The following SETBP1 variants were observed in gnomAD, a reference collection of about 807,000 sequenced individuals.
SETBP1 encodes SET binding protein 1.
Under a neutral mutation model 101.0 loss-of-function variants are expected in SETBP1, and 9 were observed. The ratio of observed to expected loss-of-function variants is 0.09; its 90% CI spans 0.05 to 0.16. The LOEUF (loss-of-function observed/expected upper bound fraction) is 0.16, where lower values mean the gene tolerates loss of function less well. SETBP1 is among the 10% of genes least tolerant of loss of function. SETBP1 has a pLI of 1.00. For synonymous variants in SETBP1, 818 were observed against 788.5 expected (o/e 1.04, Z -0.63); for missense variants, 1,858 against 2,033.8 (o/e 0.91, Z 1.66).
At chr18:44,988,062 A>C (rs1041453237) in intron 4 of SETBP1, 7 of 152,202 alleles carry the variant, frequency 4.6e-5, no homozygotes, top group African/African-American at 1.7e-4. Flanking sequence ...TAGTTCTTTT[A>C]GAATCTGCTG....
At position 45,009,463 on chromosome 18, in the gene SETBP1, A is replaced by G. The variant is rs192686085; in HGVS notation, c.4001-29022A>G. Among the ~76,000 whole-genome samples, 44 of 151,832 alleles carry G rather than the reference A, an allele frequency of 2.9e-4. No individual in the cohort carries two copies. The East Asian group carries it at 8.6e-3, about 30-fold the overall frequency. On this transcript the variant is annotated intron_variant, in intron 4 of 5. Transcript: ENST00000649279. ...GCAGTAGCAGTGGCTTTAAGAGGGT[A>G]TGGAAGATTGTAACATGCTTGTTGT...
intron 4 of SETBP1, among the ~76,000 whole-genome samples, chr18:44,983,431 A>C (rs1383412747): frequency 6.6e-6 from 1 of 152,126 alleles, no homozygotes; most frequent in Non-Finnish European, 1.5e-5. Flanking sequence ...CCATTATACA[A>C]ATCAGGGACA....
intron 3 of SETBP1, chr18:44,871,175 G>T (rs564785961): frequency 6.6e-6 from 1 of 152,262 alleles, no homozygotes; most frequent in African/African-American, 2.4e-5. Context: ...GAAACTGGTG[G>T]CCAGGGTGTA....
At chr18:45,027,543 G>C (rs2073192924) in intron 4 of SETBP1, among the ~76,000 whole-genome samples, 2 of 152,264 alleles carry the variant, frequency 1.3e-5, no homozygotes, top group African/African-American at 4.8e-5. Flanking sequence ...TATAGGAAAA[G>C]AATATAAAGT....
chr18:44,813,705 G>GA (rs1310029276), intron 2 of SETBP1, among the ~76,000 whole-genome samples: 1 of 152,216 alleles, frequency 6.6e-6, no homozygotes, highest in Non-Finnish European at 1.5e-5. Context: ...TTGTATTCAG[G>GA]AATTAATTTA....
chr18:44,845,389 A>C (rs1040146125), intron 2 of SETBP1, among the ~76,000 whole-genome samples: 3 of 152,206 alleles, frequency 2.0e-5, no homozygotes, highest in Admixed American at 1.3e-4. Context: ...ACTTTCCAGG[A>C]AACAGGAGGC....
intron 4 of SETBP1, among the ~76,000 whole-genome samples, chr18:44,971,344 A>G (rs1374107574): frequency 6.6e-6 from 1 of 152,182 alleles, no homozygotes; most frequent in African/African-American, 2.4e-5. Context: ...ATATGTGTGC[A>G]TGTGTCTTTA....
intron 3 of SETBP1, among the ~76,000 whole-genome samples, chr18:44,872,384 A>G (rs2069296814): frequency 6.6e-6 from 1 of 152,192 alleles, no homozygotes; most frequent in Non-Finnish European, 1.5e-5. Flanking sequence ...ACATAGACAC[A>G]CACATCTGTT....
chr18:45,029,060 G>A (rs1910032521), intron 4 of SETBP1, among the ~76,000 whole-genome samples: 1 of 152,100 alleles, frequency 6.6e-6, no homozygotes, highest in South Asian at 2.1e-4. Flanking sequence ...CATTGTTTTT[G>A]GTGTTTTAGA....
At chr18:44,845,799 C>T (rs966898865) in intron 2 of SETBP1, among the ~76,000 whole-genome samples, 1 of 152,218 alleles carries the variant, frequency 6.6e-6, no homozygotes, top group African/African-American at 2.4e-5. Flanking sequence ...ACCTACCCTG[C>T]ACTCAAGAGG....
At chr18:45,059,002 G>A (rs1026592584) in intron 5 of SETBP1, among the ~76,000 whole-genome samples, 3 of 152,038 alleles carry the variant, frequency 2.0e-5, no homozygotes, top group East Asian at 1.9e-4. Context: ...GCCCCAAGAG[G>A]GTGAAAATTA....
intron 3 of SETBP1, among the ~76,000 whole-genome samples, chr18:44,898,622 C>G (rs988425027): frequency 6.6e-6 from 1 of 152,114 alleles, no homozygotes. Context: ...CTCCCTTCTC[C>G]CAGTCTTCAT....
At chr18:44,709,568 T>C (rs186690251) in intron 2 of SETBP1, among the ~76,000 whole-genome samples, 120 of 152,310 alleles carry the variant, frequency 7.9e-4, no homozygotes, top group African/African-American at 2.6e-3. Flanking sequence ...AAGTTGTCCG[T>C]TGGACACTTA....
At chr18:44,869,374 A>G (rs1024622822) in intron 3 of SETBP1, 91 bp downstream of exon 3, 37 of 1,197,788 alleles carry the variant, frequency 3.1e-5, no homozygotes, top group Non-Finnish European at 4.6e-5. Context: ...CAGGACAGAA[A>G]CCCGAACCTT....
At chr18:45,043,788 C>A (rs576953109) in intron 5 of SETBP1, among the ~76,000 whole-genome samples, 152 of 152,152 alleles carry the variant, frequency 1.0e-3, no homozygotes, top group Non-Finnish European at 1.7e-3. Flanking sequence ...AAACCTTAAG[C>A]TTGAAAAATT....
At chr18:44,928,952 A>AT (rs1374626317) in intron 3 of SETBP1, among the ~76,000 whole-genome samples, 2 of 151,950 alleles carry the variant, frequency 1.3e-5, no homozygotes, top group Admixed American at 1.3e-4. Context: ...CCATTTGTCA[A>AT]TTTTGGCTTT....
chr18:44,937,954 CT>C (rs2071000856), intron 3 of SETBP1, among the ~76,000 whole-genome samples: 1 of 152,192 alleles, frequency 6.6e-6, no homozygotes, highest in Admixed American at 6.5e-5. Context: ...ATAAAATGAT[CT>C]CTCATGTTCT....
intron 4 of SETBP1, among the ~76,000 whole-genome samples, chr18:44,954,329 T>TAAAAAAAAAA (rs5824565): frequency 2.8e-5 from 2 of 71,610 alleles, no homozygotes; most frequent in Non-Finnish European, 5.4e-5. Flanking sequence ...TTGCAGAAGC[T>TAAAAAAAAAA]AAAAAAAAAA....
chr18:44,692,664 C>T (rs1013363302), intron 1 of SETBP1, among the ~76,000 whole-genome samples: 4 of 152,098 alleles, frequency 2.6e-5, no homozygotes, highest in African/African-American at 4.8e-5. Context: ...AGAGCAAGAC[C>T]GTGCGTGTGT....
Sources: allele counts gnomAD v4.1 joint callset (sites outside exome capture counted in the v4.1 genomes callset), GRCh38; gene constraint gnomAD v4.1.1; transcripts MANE v1.5; gene names NCBI Gene and HGNC (gene_info 2026-07-23, HGNC 2026-07-21).